SEMA6D: variants seen among roughly 807,000 people sequenced by gnomAD.
SEMA6D encodes the protein semaphorin-6D.
In SEMA6D, 35 loss-of-function variants were observed where a neutral mutation model predicts 106.6. The ratio of observed to expected loss-of-function variants is 0.33; its 90% confidence interval spans 0.25 to 0.44. The LOEUF is 0.44. SEMA6D is among the 20% of genes least tolerant of loss of function. The pLI, the probability that SEMA6D is intolerant of heterozygous loss-of-function variation, is 1.00. For synonymous variants in SEMA6D, 499 were observed against 487.7 expected, an observed-to-expected ratio of 1.02 and a Z score of -0.31; for missense variants, 1,185 against 1,345.9, an observed-to-expected ratio of 0.88 and a Z score of 1.87.
chr15:47,719,776 T>A (rs28612755), intron 1 of SEMA6D, among the ~76,000 whole-genome samples: 30,646 of 152,194 alleles, frequency 0.2, 3,584 homozygotes, highest in Middle Eastern at 0.27. Context: ...TGATACTGGT[T>A]TACTCTTGCT....
chr15:47,491,176 TAAAA>T, intron 3 of SEMA6D, among the ~76,000 whole-genome samples: 1 of 152,250 alleles, frequency 6.6e-6, no homozygotes, highest in Middle Eastern at 3.4e-3. Context: ...AGCAGTAAAA[TAAAA>T]AAAGTTTTCT....
chr15:47,203,173 C>T (rs955179762), intron 1 of SEMA6D, among the ~76,000 whole-genome samples: 9 of 152,128 alleles, frequency 5.9e-5, no homozygotes, highest in African/African-American at 2.2e-4. Context: ...TACCCCCAAA[C>T]TGGCACTTTG....
At chr15:47,360,288 C>A (rs1044258304) in intron 1 of SEMA6D, among the ~76,000 whole-genome samples, 2 of 152,160 alleles carry the variant, frequency 1.3e-5, no homozygotes, top group East Asian at 3.9e-4. Flanking sequence ...TCAGTTCCCC[C>A]CCAGTGAATG....
chr15:47,464,064 T>G (rs1401303453), intron 2 of SEMA6D, among the ~76,000 whole-genome samples: 3 of 152,120 alleles, frequency 2.0e-5, no homozygotes, highest in Non-Finnish European at 4.4e-5. Flanking sequence ...CTTTTTAAAT[T>G]TACTCATTCA....
chr15:47,486,758 G>C (rs114998009), intron 3 of SEMA6D, among the ~76,000 whole-genome samples: 3 of 152,168 alleles, frequency 2.0e-5, no homozygotes, highest in Non-Finnish European at 2.9e-5. Flanking sequence ...TTAAACTAAG[G>C]ATTTAATTGA....
intron 1 of SEMA6D, among the ~76,000 whole-genome samples, chr15:47,264,204 A>G (rs1566959936): frequency 6.6e-6 from 1 of 152,034 alleles, no homozygotes; most frequent in Non-Finnish European, 1.5e-5. Flanking sequence ...AAAGGGTTGC[A>G]GGAGGGAGAA....
intron 3 of SEMA6D, among the ~76,000 whole-genome samples, chr15:47,484,983 G>T (rs1393720740): frequency 6.6e-6 from 1 of 152,112 alleles, no homozygotes; most frequent in Non-Finnish European, 1.5e-5. Context: ...TTTGTCAAGG[G>T]TTACATAAGG....
At chr15:47,502,591 G>T (rs1168597706) in intron 3 of SEMA6D, among the ~76,000 whole-genome samples, 1 of 152,168 alleles carries the variant, frequency 6.6e-6, no homozygotes, top group African/African-American at 2.4e-5. Flanking sequence ...TAAAATCTGC[G>T]ACCCAAGCCA....
intron 1 of SEMA6D, among the ~76,000 whole-genome samples, chr15:47,226,422 A>G (rs12594875): frequency 0.068 from 10,309 of 152,188 alleles, 1,326 homozygotes; most frequent in East Asian, 0.6. Context: ...CGTCTAAAAC[A>G]TAAACACAGA....
At chr15:47,548,205 G>T (rs1566877943) in intron 3 of SEMA6D, among the ~76,000 whole-genome samples, 1 of 152,156 alleles carries the variant, frequency 6.6e-6, no homozygotes, top group Non-Finnish European at 1.5e-5. Flanking sequence ...GTGGTAAGAA[G>T]ATCAAATGGT....
intron 1 of SEMA6D, among the ~76,000 whole-genome samples, chr15:47,348,372 A>G (rs1395027717): frequency 6.6e-6 from 1 of 152,230 alleles, no homozygotes; most frequent in East Asian, 1.9e-4. Flanking sequence ...GGATTTAATG[A>G]CTTAATATAT....
rs147568179 is a variant in SEMA6D at position 47,767,723 on chromosome 15, G to A, written c.1765+630G>A. On this transcript the variant is annotated intron_variant, in intron 17 of 18. Coordinates refer to ENST00000536845, the MANE Select transcript of SEMA6D (RefSeq NM_001358351.3). ...ACCAGTCAGAATTGTGGTCTCTGAG[G>A]TTTTAGCTTAAAAGCGTAGGCTTAC... 1.6e-3 allele frequency among the ~76,000 whole-genome samples: 245 copies of A among 152,254 alleles called. 1 individual carries two copies. Among genetic ancestry groups the A allele is most frequent in the African/African-American group, 5.5e-3 (228 of 41,554 alleles).
At position 47,568,894 on chromosome 15, in the gene SEMA6D, T is replaced by C. The variant is rs140332130; in HGVS notation, c.-86-31971T>C. On this transcript the variant is annotated intron_variant, in intron 3 of 19. Transcript: ENST00000558014. ...TTATTATTACGAATAATATTATTAA[T>C]ATTATTATTATGGCCATCATTAATT... 9.9e-3 allele frequency among the ~76,000 whole-genome samples: 1,511 copies of C among 152,148 alleles called. 10 individuals carry two copies. Among genetic ancestry groups the C allele is most frequent in the Admixed American group, 0.021 (317 of 15,260 alleles).
At chr15:47,306,828 T>A (rs1323224436) in intron 1 of SEMA6D, among the ~76,000 whole-genome samples, 1 of 152,246 alleles carries the variant, frequency 6.6e-6, no homozygotes, top group Non-Finnish European at 1.5e-5. Flanking sequence ...TATATACATA[T>A]CCTTCTTAGT....
chr15:47,467,219 TC>T (rs1294569084), intron 2 of SEMA6D, among the ~76,000 whole-genome samples: 33 of 152,140 alleles, frequency 2.2e-4, no homozygotes, highest in African/African-American at 7.7e-4. Context: ...GCTTGTGCCC[TC>T]CCTGCTACAA....
chr15:47,606,963 T>C (rs1302502100), intron 4 of SEMA6D, among the ~76,000 whole-genome samples: 1 of 152,186 alleles, frequency 6.6e-6, no homozygotes, highest in Non-Finnish European at 1.5e-5. Context: ...GCTGCTGAAT[T>C]GTGCCATGAC....
At position 47,612,518 on chromosome 15, in the gene SEMA6D, A is replaced by T. The variant is rs372633626; in HGVS notation, c.-55+11622A>T. ...TGCCATGAGGGCTAAGGTTGTAGAT[A>T]CCTCATGCTCCTTTTCATAGTTATT... On this transcript the variant is annotated intron_variant, in intron 4 of 19. Transcript: ENST00000558014. Among the ~76,000 whole-genome samples the T allele has an allele frequency of 2.2e-4, 34 of 152,282 alleles. No individual in the cohort carries two copies. The South Asian group carries it at 6.8e-3, about 31-fold the overall frequency.
At chr15:47,748,722 A>G (rs28403022) in intron 1 of SEMA6D, among the ~76,000 whole-genome samples, 77,051 of 152,032 alleles carry the variant, frequency 0.51, 20,029 homozygotes, top group Non-Finnish European at 0.54. Context: ...AGAAAGAATA[A>G]AATTGTGAAG....
At chr15:47,640,065 A>C (rs2077460987) in intron 4 of SEMA6D, among the ~76,000 whole-genome samples, 1 of 152,168 alleles carries the variant, frequency 6.6e-6, no homozygotes, top group African/African-American at 2.4e-5. Context: ...TGTTAATAAT[A>C]GGAGACACTG....
Sources: allele counts gnomAD v4.1 joint callset (sites outside exome capture counted in the v4.1 genomes callset), GRCh38; gene constraint gnomAD v4.1.1; transcripts MANE v1.5; gene names NCBI Gene and HGNC (gene_info 2026-07-23, HGNC 2026-07-21).